SSR1: variants seen among roughly 807,000 people sequenced by gnomAD.
The protein encoded by SSR1 is translocon-associated protein subunit alpha.
In SSR1, 13 loss-of-function variants were observed where a neutral mutation model predicts 36.1. That is an observed-to-expected ratio of 0.36 (90% confidence interval 0.23 to 0.57). The LOEUF is 0.57. Ranked by LOEUF, SSR1 falls within the 20% of genes least tolerant of loss-of-function variation. SSR1 has a pLI of 0.81. For synonymous variants in SSR1, 113 were observed against 118.9 expected (o/e 0.95, Z 0.32); for missense variants, 291 against 338.5 (o/e 0.86, Z 1.10).
intron 6 of SSR1, 68 bp downstream of exon 6, chr6:7,297,855 T>C (rs1365164141): frequency 6.4e-6 from 8 of 1,246,986 alleles, no homozygotes; most frequent in African/African-American, 1.5e-5. Flanking sequence ...GCCGAAGAAC[T>C]AGACTGCTTA....
At chr6:7,305,208 C>A (rs1758029403) in intron 2 of SSR1, among the ~76,000 whole-genome samples, 1 of 152,270 alleles carries the variant, frequency 6.6e-6, no homozygotes, top group African/African-American at 2.4e-5. Flanking sequence ...GCTTGAATCA[C>A]TGGAGCCATA....
At chr6:7,290,153 A>C (rs1757650794) in intron 7 of SSR1, among the ~76,000 whole-genome samples, 1 of 152,242 alleles carries the variant, frequency 6.6e-6, no homozygotes, top group Non-Finnish European at 1.5e-5. Flanking sequence ...GTGTTTTGCA[A>C]TTAGGGTGGG....
In SSR1 at chr6:7,282,064, G is replaced by A. The variant is rs9406015; in HGVS notation, c.*7800C>T. The A allele has an allele frequency of 0.1, 15,867 of 152,362 alleles. 988 individuals are homozygous for A. The highest frequency in any genetic ancestry group is 0.17 in the African/African-American group (7,078 of 41,468). The allele number at this position is 152,362 out of a possible 1,614,324, so 9.4% of individuals were successfully genotyped here. On this transcript the variant is annotated 3_prime_UTR_variant, in exon 8 of 8. Coordinates refer to ENST00000244763, the MANE Select transcript of SSR1 (RefSeq NM_003144.5). ...GAAATGAAGGTGAATTTGGGGGGTG[G>A]TGGTCAATGGGTTAAACGTACAAGT...
At chr6:7,306,952 T>A (rs1437359369) in intron 2 of SSR1, among the ~76,000 whole-genome samples, 2 of 132,606 alleles carry the variant, frequency 1.5e-5, no homozygotes, top group African/African-American at 5.9e-5. Context: ...CAAGGTGACT[T>A]AAAAAAAAAA....
At chr6:7,307,348 G>C (rs536227674) in intron 2 of SSR1, among the ~76,000 whole-genome samples, 5 of 152,312 alleles carry the variant, frequency 3.3e-5, no homozygotes, top group African/African-American at 1.2e-4. Context: ...TCTGATTTGA[G>C]ATAAGTAACA....
chr6:7,299,041 G>A (rs893182667), intron 4 of SSR1, among the ~76,000 whole-genome samples: 2 of 152,138 alleles, frequency 1.3e-5, no homozygotes, highest in African/African-American at 2.4e-5. Flanking sequence ...GTGAGATGGC[G>A]TATGCCTGTG....
rs1259464829 is a variant in SSR1 at position 7,286,281 on chromosome 6, T to C, written c.*3583A>G. ...AAAAACCTTAGAACCTCAGATGATA[T>C]AATTAACATAAAAGCCCAGGTTTTT... On this transcript the variant is annotated 3_prime_UTR_variant, in exon 8 of 8. Coordinates refer to ENST00000244763, the MANE Select transcript of SSR1 (RefSeq NM_003144.5). The C allele has an allele frequency of 1.3e-5, 2 of 152,030 alleles. No individual in the cohort carries two copies. The highest frequency in any genetic ancestry group is 2.9e-5 in the Non-Finnish European group (2 of 68,000). 9.4% of individuals were successfully genotyped at this position (152,030 alleles called of 1,614,324 possible). A position where few individuals can be genotyped will look rare whatever the true frequency, so the allele number is the denominator to read the frequency against.
At position 7,301,998 on chromosome 6, in the gene SSR1, C is replaced by T. The variant is rs562850559; in HGVS notation, c.281-426G>A. 3.3e-5 allele frequency among the ~76,000 whole-genome samples: 5 copies of T among 152,262 alleles called. No homozygotes were observed. In the South Asian group the frequency reaches 8.3e-4, roughly 25 times the overall value. On this transcript the variant is annotated intron_variant, in intron 3 of 7. Coordinates refer to ENST00000244763, the MANE Select transcript of SSR1 (RefSeq NM_003144.5). ...AAGAGTTTCATCTGAAAACTAGCATCTGTTAGAACGTAAAAATTAATCAGG... is the reference window on the plus strand; with the variant it reads ...AAGAGTTTCATCTGAAAACTAGCATTTGTTAGAACGTAAAAATTAATCAGG...
chr6:7,302,599 TAAAAATAC>T (rs1757961033), intron 3 of SSR1, among the ~76,000 whole-genome samples: 2 of 151,712 alleles, frequency 1.3e-5, no homozygotes, highest in South Asian at 4.2e-4. Context: ...CCATCCCTAC[TAAAAATAC>T]AAAAATTAGC....
intron 7 of SSR1, among the ~76,000 whole-genome samples, chr6:7,291,090 TCTC>T (rs1384994006): frequency 2.0e-5 from 3 of 151,534 alleles, no homozygotes; most frequent in Admixed American, 6.6e-5. Flanking sequence ...TTCAAAGAAA[TCTC>T]CTTAAGATTA....
intron 6 of SSR1, 30 bp from the exon 7 acceptor site, chr6:7,295,515 G>T (rs377434356): frequency 2.0e-5 from 30 of 1,485,520 alleles, no homozygotes; most frequent in Non-Finnish European, 2.6e-5. Context: ...TATTTTAAAG[G>T]AGTTCCGTTA....
intron 2 of SSR1, among the ~76,000 whole-genome samples, chr6:7,305,537 G>C (rs982559509): frequency 2.0e-5 from 3 of 152,212 alleles, no homozygotes; most frequent in African/African-American, 2.4e-5. Flanking sequence ...AAATGTGGAT[G>C]AACAGTATAA....
At chr6:7,295,341 A>G (rs1395276759) in intron 7 of SSR1, 51 bp downstream of exon 7, 4 of 1,416,998 alleles carry the variant, frequency 2.8e-6, no homozygotes, top group Non-Finnish European at 3.9e-6. Context: ...TAAGGTATTT[A>G]ATTTCCACTT....
chr6:7,289,849 T>C lies in SSR1; in HGVS notation c.*15A>G, dbSNP rs1757643287. The C allele has an allele frequency of 6.4e-7, 1 of 1,568,780 alleles. No individual in the cohort carries two copies. The highest frequency in any genetic ancestry group is 8.6e-7 in the Non-Finnish European group (1 of 1,164,004). On this transcript the variant is annotated 3_prime_UTR_variant, in exon 8 of 8. Transcript: ENST00000244763. ...GCAGGTTAAGTAAAGACCGAATTGT[T>C]GCACAAAGGAACATTTACTCATCAG...
chr6:7,293,097 T>A (rs1394367443), intron 7 of SSR1, among the ~76,000 whole-genome samples: 1 of 151,608 alleles, frequency 6.6e-6, no homozygotes, highest in African/African-American at 2.4e-5. Flanking sequence ...AGTTCCGCTG[T>A]CAGCACTGAG....
intron 7 of SSR1, chr6:7,295,041 GC>G: frequency 6.9e-7 from 1 of 1,455,752 alleles, no homozygotes. Context: ...CTATTTGAGA[GC>G]CCCCAATTCT....
At chr6:7,306,722 C>T (rs556742761) in intron 2 of SSR1, among the ~76,000 whole-genome samples, 5 of 151,558 alleles carry the variant, frequency 3.3e-5, no homozygotes, top group Admixed American at 1.3e-4. Flanking sequence ...CGAGACCATC[C>T]TGGCTAACAT....
chr6:7,295,589 G>C (rs1300410639), intron 6 of SSR1, 104 bp from the exon 7 acceptor site: 1 of 766,978 alleles, frequency 1.3e-6, no homozygotes, highest in Admixed American at 3.4e-5. Context: ...AGGCTGCCTG[G>C]AACTCCTGGG....
chr6:7,290,678 T>G (rs3799516), intron 7 of SSR1, among the ~76,000 whole-genome samples: 1 of 150,606 alleles, frequency 6.6e-6, no homozygotes, highest in Non-Finnish European at 1.5e-5. Context: ...TTTCGTATTG[T>G]TTTTTTTTGG....
Sources: allele counts gnomAD v4.1 joint callset (sites outside exome capture counted in the v4.1 genomes callset), GRCh38; gene constraint gnomAD v4.1.1; transcripts MANE v1.5; gene names NCBI Gene and HGNC (gene_info 2026-07-23, HGNC 2026-07-21).